Variants in TOX observed in about 807,000 individuals in gnomAD.
The protein encoded by TOX is thymocyte selection-associated high mobility group box protein TOX.
A neutral mutation model predicts 53.7 loss-of-function variants in TOX; 11 were observed. The ratio of observed to expected loss-of-function variants is 0.20; its 90% confidence interval spans 0.13 to 0.34. The LOEUF is 0.34. TOX is among the 10% of genes least tolerant of loss of function. The pLI is 1.00. For synonymous variants in TOX, 225 were observed against 245.3 expected (o/e 0.92, Z 0.77); for missense variants, 570 against 664.6 (o/e 0.86, Z 1.56).
chr8:58,948,088 A>G (rs895007349), intron 2 of TOX, among the ~76,000 whole-genome samples: 2 of 152,202 alleles, frequency 1.3e-5, no homozygotes, highest in Admixed American at 6.5e-5. Context: ...ACACCAGAAC[A>G]CGAGGTCAAC....
chr8:58,921,722 A>T (rs1030420000), intron 3 of TOX, among the ~76,000 whole-genome samples: 1 of 152,240 alleles, frequency 6.6e-6, no homozygotes, highest in African/African-American at 2.4e-5. Context: ...ACCAGATCTT[A>T]CTAAAACCCA....
At chr8:58,878,198 G>A (rs1472930965) in intron 3 of TOX, among the ~76,000 whole-genome samples, 1 of 144,784 alleles carries the variant, frequency 6.9e-6, no homozygotes, top group Non-Finnish European at 1.5e-5. Flanking sequence ...AAGTTAGGTG[G>A]TATTTGGAAA....
At chr8:58,999,909 G>C (rs1403594149) in intron 1 of TOX, among the ~76,000 whole-genome samples, 1 of 152,026 alleles carries the variant, frequency 6.6e-6, no homozygotes, top group Non-Finnish European at 1.5e-5. Flanking sequence ...AAGAGGGGCT[G>C]GTTTTGGTTT....
chr8:58,956,726 G>A (rs555006663), intron 2 of TOX, among the ~76,000 whole-genome samples: 16 of 152,126 alleles, frequency 1.1e-4, no homozygotes, highest in African/African-American at 3.1e-4. Flanking sequence ...CTCAGCCTCC[G>A]GAGTGGAGAC....
chr8:58,978,967 T>C (rs1226403497), intron 1 of TOX, among the ~76,000 whole-genome samples: 3 of 152,244 alleles, frequency 2.0e-5, no homozygotes, highest in African/African-American at 7.2e-5. Context: ...AAAAATGCTA[T>C]TGCTAAAAAT....
intron 3 of TOX, among the ~76,000 whole-genome samples, chr8:58,914,845 G>A (rs1227506753): frequency 1.3e-5 from 2 of 151,834 alleles, no homozygotes; most frequent in Non-Finnish European, 2.9e-5. Flanking sequence ...GTGTGTGCGC[G>A]CACCGTGCGC....
chr8:58,879,129 A>C (rs1363207913), intron 3 of TOX, among the ~76,000 whole-genome samples: 1 of 152,112 alleles, frequency 6.6e-6, no homozygotes, highest in Non-Finnish European at 1.5e-5. Context: ...CAACAGAAGG[A>C]AAATGCATAA....
intron 7 of TOX, among the ~76,000 whole-genome samples, chr8:58,809,695 T>G (rs1411660065): frequency 6.6e-6 from 1 of 151,516 alleles, no homozygotes; most frequent in Non-Finnish European, 1.5e-5. Flanking sequence ...AAGCTGTAAA[T>G]ATCTTCCAAA....
chr8:58,811,554 A>G (rs1035444559), intron 7 of TOX, among the ~76,000 whole-genome samples: 1 of 152,174 alleles, frequency 6.6e-6, no homozygotes, highest in African/African-American at 2.4e-5. Flanking sequence ...CTGGAGAGGT[A>G]TTTTCAACAG....
intron 7 of TOX, among the ~76,000 whole-genome samples, chr8:58,814,148 T>C (rs1810132121): frequency 6.6e-6 from 1 of 152,130 alleles, no homozygotes. Context: ...TCAATAATAA[T>C]AGTAGTAATA....
rs574078192 is a variant in TOX at position 59,118,110 on chromosome 8, T to C, written c.102+776A>G. 1.3e-4 allele frequency among the ~76,000 whole-genome samples: 20 copies of C among 152,266 alleles called. No homozygotes were observed. The South Asian group carries it at 4.1e-3, about 32-fold the overall frequency. Reference sequence around the variant, plus strand: ...GCCTCTCCCCGGGCCCCCGCGGCCCTGGCACCCGAGGTCAGCGGGCCGTGG... The same window carrying C: ...GCCTCTCCCCGGGCCCCCGCGGCCCCGGCACCCGAGGTCAGCGGGCCGTGG... On this transcript the variant is annotated intron_variant, in intron 1 of 8. Coordinates refer to ENST00000361421, the MANE Select transcript of TOX (RefSeq NM_014729.3). The surrounding 1 kb of genome is among the most constrained non-coding windows in gnomAD (Gnocchi z 4.1).
intron 1 of TOX, among the ~76,000 whole-genome samples, chr8:59,014,609 G>A (rs1813975474): frequency 6.6e-6 from 1 of 152,204 alleles, no homozygotes; most frequent in African/African-American, 2.4e-5. Context: ...TGAGGAAAAT[G>A]CTGACGACCT....
At chr8:59,068,426 AG>A (rs1223566887) in intron 1 of TOX, among the ~76,000 whole-genome samples, 2 of 152,026 alleles carry the variant, frequency 1.3e-5, no homozygotes, top group Non-Finnish European at 2.9e-5. Flanking sequence ...GAGGAAAAAA[AG>A]AGGTGACAAA....
chr8:59,030,001 C>T (rs753358446), intron 1 of TOX, among the ~76,000 whole-genome samples: 7 of 152,052 alleles, frequency 4.6e-5, no homozygotes, highest in Non-Finnish European at 8.8e-5. Context: ...TAACTTGCAA[C>T]GTTTGAGGAT....
At chr8:59,029,813 C>G (rs541920483) in intron 1 of TOX, among the ~76,000 whole-genome samples, 8 of 152,260 alleles carry the variant, frequency 5.3e-5, no homozygotes, top group Admixed American at 1.3e-4. Flanking sequence ...CATCTTCCAA[C>G]CCATTATATG....
chr8:58,851,797 A>G lies in TOX; in HGVS notation c.420T>C (p.Asp140=). The stretch of plus-strand genomic sequence containing the variant: ...ACTGAGTTCCTTCTGGGTTTCGTAT[A>G]TCTGGCATCTACAATAAATAAATAA... ...LLSNSISVMP[D]IRNPEGTQYS... The change falls in exon 4 of 9, where the codon GAT becomes GAC. Residue 140 remains aspartate, a synonymous_variant. Transcript: ENST00000361421. The surrounding 1 kb of genome is among the most constrained non-coding windows in gnomAD (Gnocchi z 4.4). 1.9e-6 allele frequency: 3 copies of G among 1,546,322 alleles called. No homozygotes were observed. Among genetic ancestry groups the G allele is most frequent in the Non-Finnish European group, 2.6e-6 (3 of 1,142,182 alleles).
intron 3 of TOX, among the ~76,000 whole-genome samples, chr8:58,933,270 T>G (rs1408413256): frequency 1.3e-5 from 2 of 152,176 alleles, no homozygotes; most frequent in Admixed American, 1.3e-4. Context: ...ATTTTCCCGT[T>G]CACCAATCCA....
intron 1 of TOX, among the ~76,000 whole-genome samples, chr8:59,040,329 A>AC (rs71557749): frequency 6.8e-5 from 1 of 14,758 alleles, no homozygotes; most frequent in East Asian, 2.3e-3. Context: ...ACTCCGTCTC[A>AC]AAAAAAAAAA....
chr8:58,831,158 G>A (rs1810447098), intron 5 of TOX, among the ~76,000 whole-genome samples: 1 of 152,122 alleles, frequency 6.6e-6, no homozygotes, highest in Non-Finnish European at 1.5e-5. Flanking sequence ...CCACGTAAAT[G>A]GTCTCAGCAA....
Sources: gnomAD v4.1 joint callset for allele counts (sites outside exome capture counted in the v4.1 genomes callset) on GRCh38, gnomAD v4.1.1 for gene constraint, Gnocchi (gnomAD v3.1) non-coding constraint, MANE v1.5 for transcripts, NCBI Gene and HGNC (gene_info 2026-07-23, HGNC 2026-07-21) for gene names.